ZNF503: variants seen among roughly 807,000 people sequenced by gnomAD.
The protein encoded by ZNF503 is NocA-like zinc finger 2.
A neutral mutation model predicts 34.4 loss-of-function variants in ZNF503; 15 were observed. That is an observed-to-expected ratio of 0.44 (90% CI 0.29 to 0.67). The LOEUF (loss-of-function observed/expected upper bound fraction) is 0.67, where lower values mean the gene tolerates loss of function less well. Ranked by LOEUF, ZNF503 falls within the 30% of genes least tolerant of loss-of-function variation. The pLI is 0.13. For synonymous variants in ZNF503, 580 were observed against 456.8 expected, an observed-to-expected ratio of 1.27 and a Z score of -3.44; for missense variants, 1,007 against 926.8, an observed-to-expected ratio of 1.09 and a Z score of -1.12.
chr10:75,396,300 G>A (rs1564758197), downstream of ZNF503, among the ~76,000 whole-genome samples: 1 of 152,216 alleles, frequency 6.6e-6, no homozygotes. This position sits in a 1 kb window ranked among gnomAD's most constrained non-coding sequence, Gnocchi z 4.4. Flanking sequence ...CCTCCTCGGC[G>A]CCAGCTCCGT....
chr10:75,314,729 A>T, the ZNF503 span, among the ~76,000 whole-genome samples: 1 of 152,336 alleles, frequency 6.6e-6, no homozygotes, highest in South Asian at 2.1e-4. Flanking sequence ...CTCAAGAGAT[A>T]CCTGGCAGGC....
chr10:75,287,307 C>A, the ZNF503 span, among the ~76,000 whole-genome samples: 2 of 152,098 alleles, frequency 1.3e-5, no homozygotes, highest in Non-Finnish European at 2.9e-5. Flanking sequence ...CGTCTCTCCC[C>A]ACTACAGGCT....
the ZNF503 span, among the ~76,000 whole-genome samples, chr10:75,370,475 G>A: frequency 6.6e-6 from 1 of 151,968 alleles, no homozygotes; most frequent in African/African-American, 2.4e-5. Flanking sequence ...CTGCGGCTGG[G>A]GTGCTTTACA....
At chr10:75,312,636 G>A in the ZNF503 span, among the ~76,000 whole-genome samples, 1 of 152,110 alleles carries the variant, frequency 6.6e-6, no homozygotes, top group Non-Finnish European at 1.5e-5. Flanking sequence ...AAGAAGCTGG[G>A]TGAAATCCAA....
the ZNF503 span, among the ~76,000 whole-genome samples, chr10:75,329,403 TTCC>T: frequency 9.3e-5 from 8 of 86,268 alleles, no homozygotes; most frequent in African/African-American, 3.5e-4. Flanking sequence ...CCTTCCTTCC[TTCC>T]TTCCTTCCTT....
chr10:75,392,774 G>A, the ZNF503 span, among the ~76,000 whole-genome samples: 1 of 152,188 alleles, frequency 6.6e-6, no homozygotes. Context: ...TGGTCAAAAT[G>A]AAATGAGACT....
chr10:75,329,109 A>G, the ZNF503 span, among the ~76,000 whole-genome samples: 51,375 of 151,900 alleles, frequency 0.34, 8,864 homozygotes, highest in South Asian at 0.41. Flanking sequence ...GTAAAAGATC[A>G]TAGAGATCTT....
At chr10:75,389,227 G>A in the ZNF503 span, among the ~76,000 whole-genome samples, 1 of 152,190 alleles carries the variant, frequency 6.6e-6, no homozygotes, top group East Asian at 1.9e-4. Context: ...ACCTAAGGCT[G>A]GAGGAATCTT....
At chr10:75,345,980 G>A in the ZNF503 span, among the ~76,000 whole-genome samples, 2 of 152,194 alleles carry the variant, frequency 1.3e-5, no homozygotes, top group Non-Finnish European at 2.9e-5. Context: ...AAACTGTGCG[G>A]AATCAGTGTT....
the ZNF503 span, among the ~76,000 whole-genome samples, chr10:75,344,313 G>A: frequency 6.6e-6 from 1 of 152,228 alleles, no homozygotes; most frequent in Non-Finnish European, 1.5e-5. Flanking sequence ...CTTCCTACTT[G>A]CTTCAACATT....
the ZNF503 span, among the ~76,000 whole-genome samples, chr10:75,317,353 C>T: frequency 1.4e-5 from 2 of 142,798 alleles, no homozygotes; most frequent in African/African-American, 5.2e-5. Flanking sequence ...TCTCGGCTCA[C>T]TGCAAGCTCC....
chr10:75,371,370 T>A, the ZNF503 span, among the ~76,000 whole-genome samples: 143 of 152,326 alleles, frequency 9.4e-4, no homozygotes, highest in African/African-American at 3.4e-3. Context: ...GAGCACTCAA[T>A]AGAAATCTGT....
At chr10:75,359,642 T>C in the ZNF503 span, among the ~76,000 whole-genome samples, 4 of 152,354 alleles carry the variant, frequency 2.6e-5, no homozygotes, top group African/African-American at 4.8e-5. Context: ...TGTGGTTGAA[T>C]GTCTGGGGTC....
the ZNF503 span, among the ~76,000 whole-genome samples, chr10:75,342,429 T>C: frequency 6.6e-6 from 1 of 151,976 alleles, no homozygotes; most frequent in South Asian, 2.1e-4. Context: ...GAAGGAGAAG[T>C]TGAACAACTC....
chr10:75,280,159 G>A, the ZNF503 span: 1 of 152,140 alleles, frequency 6.6e-6, no homozygotes, highest in African/African-American at 2.4e-5. Flanking sequence ...AAAGAAAAAA[G>A]GGGGATTAAT....
chr10:75,372,831 C>T, the ZNF503 span, among the ~76,000 whole-genome samples: 38 of 152,322 alleles, frequency 2.5e-4, 1 homozygote, highest in East Asian at 3.7e-3. Flanking sequence ...GCACCCTGAA[C>T]CCATTTCCAT....
At chr10:75,315,269 A>G in the ZNF503 span, among the ~76,000 whole-genome samples, 1 of 152,170 alleles carries the variant, frequency 6.6e-6, no homozygotes. Flanking sequence ...CTGAAGTGGG[A>G]GGGTTGCTTG....
the ZNF503 span, among the ~76,000 whole-genome samples, chr10:75,297,053 C>T: frequency 6.6e-6 from 1 of 152,174 alleles, no homozygotes; most frequent in Non-Finnish European, 1.5e-5. Context: ...TGTGACCTTG[C>T]CCTTCTGCCA....
At chr10:75,390,922 G>A in the ZNF503 span, among the ~76,000 whole-genome samples, 120 of 152,282 alleles carry the variant, frequency 7.9e-4, no homozygotes, top group Non-Finnish European at 1.3e-3. Flanking sequence ...TCTCTTCCTG[G>A]TTTTTAGATG....
Sources: allele counts gnomAD v4.1 joint callset (sites outside exome capture counted in the v4.1 genomes callset), GRCh38; gene constraint gnomAD v4.1.1; non-coding constraint Gnocchi (gnomAD v3.1); transcripts MANE v1.5; gene names NCBI Gene and HGNC (gene_info 2026-07-23, HGNC 2026-07-21).